Variants in DLG2 observed in about 807,000 individuals in gnomAD.
DLG2 encodes the protein discs large MAGUK scaffold protein 2, also known as disks large homolog 2.
Under a neutral mutation model 132.5 loss-of-function variants are expected in DLG2, and 45 were observed. The observed-to-expected ratio is 0.34, with a 90% confidence interval of 0.27 to 0.44. DLG2 has a LOEUF of 0.44. Among genes scored for constraint, DLG2 ranks in the 20% least tolerant of loss-of-function variants. The pLI is 1.00. For synonymous variants in DLG2, 424 were observed against 419.6 expected (o/e 1.01, Z -0.13); for missense variants, 1,045 against 1,196.9 (o/e 0.87, Z 1.87).
chr11:84,666,944 A>C (rs1182673821), intron 6 of DLG2, among the ~76,000 whole-genome samples: 10 of 152,152 alleles, frequency 6.6e-5, no homozygotes. Context: ...GCTTCATTTC[A>C]TGGTAGAGAA....
At chr11:85,491,313 T>A (rs1214463377) in intron 3 of DLG2, among the ~76,000 whole-genome samples, 4 of 152,122 alleles carry the variant, frequency 2.6e-5, no homozygotes, top group Non-Finnish European at 5.9e-5. Flanking sequence ...GTTAACATTA[T>A]ACTGAATAGG....
intron 8 of DLG2, among the ~76,000 whole-genome samples, chr11:84,223,340 C>T (rs1218583593): frequency 6.6e-6 from 1 of 152,048 alleles, no homozygotes; most frequent in East Asian, 1.9e-4. Flanking sequence ...GGATTCTAAA[C>T]AATATATTTT....
chr11:84,793,933 T>G (rs1055090519), intron 6 of DLG2, among the ~76,000 whole-genome samples: 2 of 152,214 alleles, frequency 1.3e-5, no homozygotes, highest in African/African-American at 4.8e-5. Context: ...CTCCTGCTAT[T>G]TTGTTATTTG....
chr11:83,867,284 T>C lies in DLG2; in HGVS notation c.1565+7136A>G, dbSNP rs542634291. Among the ~76,000 whole-genome samples the C allele has an allele frequency of 2.0e-5, 3 of 152,254 alleles. No individual in the cohort carries two copies. The South Asian group carries it at 6.2e-4, about 32-fold the overall frequency. ...AGCTTTAGTGTCTTAATCCATAAAG[T>C]GGGTTAAAGGTACCTAAATTGTTAT... On this transcript the variant is annotated intron_variant, in intron 16 of 27. Transcript: ENST00000376104.
intron 4 of DLG2, among the ~76,000 whole-genome samples, chr11:85,218,159 G>A (rs1336840637): frequency 6.6e-6 from 1 of 152,040 alleles, no homozygotes; most frequent in East Asian, 1.9e-4. Flanking sequence ...TTTTGTACCA[G>A]TACCAAGGAA....
chr11:84,414,823 A>G (rs969970772), intron 7 of DLG2, among the ~76,000 whole-genome samples: 2 of 152,206 alleles, frequency 1.3e-5, no homozygotes, highest in Non-Finnish European at 2.9e-5. Context: ...TATGTATTTT[A>G]TTATGCATAG....
intron 4 of DLG2, among the ~76,000 whole-genome samples, chr11:85,169,531 T>C (rs1366007858): frequency 6.6e-6 from 1 of 152,136 alleles, no homozygotes; most frequent in African/African-American, 2.4e-5. Flanking sequence ...TGAGGGAATG[T>C]AGGCAATTTT....
chr11:84,812,847 A>G (rs1421811860), intron 6 of DLG2, among the ~76,000 whole-genome samples: 2 of 152,148 alleles, frequency 1.3e-5, no homozygotes, highest in Non-Finnish European at 2.9e-5. Flanking sequence ...GGTATCTGCA[A>G]TCTGCAAATT....
chr11:85,486,182 A>T (rs1178094415), intron 3 of DLG2, among the ~76,000 whole-genome samples: 1 of 151,928 alleles, frequency 6.6e-6, no homozygotes, highest in Non-Finnish European at 1.5e-5. Context: ...AGCAGCTGCC[A>T]GTCCAAAAAG....
At chr11:84,855,820 C>G (rs2082709664) in intron 6 of DLG2, among the ~76,000 whole-genome samples, 2 of 152,042 alleles carry the variant, frequency 1.3e-5, no homozygotes, top group Non-Finnish European at 2.9e-5. Context: ...TAGCAGTCAG[C>G]ATCCAGGAGA....
chr11:85,324,514 T>C (rs886369286), intron 3 of DLG2, among the ~76,000 whole-genome samples: 10 of 152,172 alleles, frequency 6.6e-5, no homozygotes, highest in African/African-American at 2.4e-4. Flanking sequence ...ACTGATACAC[T>C]GGTATTATTA....
At chr11:84,845,536 C>G (rs2081347834) in intron 6 of DLG2, among the ~76,000 whole-genome samples, 1 of 152,094 alleles carries the variant, frequency 6.6e-6, no homozygotes, top group Non-Finnish European at 1.5e-5. Flanking sequence ...GTGAACATGT[C>G]TATGTCCTTA....
intron 3 of DLG2, among the ~76,000 whole-genome samples, chr11:85,520,551 C>A (rs1431157091): frequency 8.3e-5 from 10 of 120,572 alleles, no homozygotes; most frequent in African/African-American, 2.8e-4. Flanking sequence ...AAAGAATAAC[C>A]AATGCTACCC....
chr11:83,813,909 T>C (rs2048084332), intron 17 of DLG2, among the ~76,000 whole-genome samples: 1 of 152,200 alleles, frequency 6.6e-6, no homozygotes, highest in Admixed American at 6.6e-5. Flanking sequence ...GTCATCATTT[T>C]ATTGATAAGA....
intron 18 of DLG2, chr11:83,651,783 T>C (rs1242946788): frequency 2.1e-6 from 1 of 469,664 alleles, no homozygotes; most frequent in African/African-American, 2.0e-5. Context: ...GACATGTAAA[T>C]CCTGTTTCCA....
At position 84,353,278 on chromosome 11, in the gene DLG2, A is replaced by T. The variant is rs901267526; in HGVS notation, c.520-101987T>A. On this transcript the variant is annotated intron_variant, in intron 7 of 27. Transcript: ENST00000376104. ...TTTGGTTAGCAAGACAATTTGAAAG[A>T]CTTAGAGACGCATCATACTTCAAAT... 2.6e-5 allele frequency among the ~76,000 whole-genome samples: 4 copies of T among 152,300 alleles called. No homozygotes were observed. The East Asian group carries it at 7.7e-4, about 29-fold the overall frequency.
intron 6 of DLG2, among the ~76,000 whole-genome samples, chr11:84,663,831 C>G (rs908560088): frequency 6.6e-6 from 1 of 152,118 alleles, no homozygotes; most frequent in Non-Finnish European, 1.5e-5. Flanking sequence ...CACTGGACGA[C>G]GATCTTTTAC....
chr11:83,818,165 C>T (rs113684915), intron 17 of DLG2, among the ~76,000 whole-genome samples: 2,695 of 152,170 alleles, frequency 0.018, 86 homozygotes, highest in African/African-American at 0.062. Context: ...CTAGCCTAGC[C>T]CAGTGCTTAA....
Position 83,865,729 on chromosome 11 carries a change from G to A in DLG2, c.1565+8691C>T, listed in dbSNP as rs143010061. On this transcript the variant is annotated intron_variant, in intron 16 of 27. Coordinates refer to ENST00000376104, the MANE Select transcript of DLG2 (RefSeq NM_001142699.3). ...AGGAACAGCAGAACTGGTCAGCCAT[G>A]GGATTTAGAAAATCATGTCTATGTC... Among the ~76,000 whole-genome samples, 6 of 152,250 alleles carry A rather than the reference G, an allele frequency of 3.9e-5. No individual in the cohort carries two copies. In the East Asian group the frequency reaches 1.2e-3, roughly 29 times the overall value.
Sources: allele counts gnomAD v4.1 joint callset (sites outside exome capture counted in the v4.1 genomes callset), GRCh38; gene constraint gnomAD v4.1.1; transcripts MANE v1.5; gene names NCBI Gene and HGNC (gene_info 2026-07-23, HGNC 2026-07-21).